LRRC52: variants seen among roughly 807,000 people sequenced by gnomAD.
LRRC52 encodes the protein leucine-rich repeat-containing protein 52.
In LRRC52, 15 loss-of-function variants were observed where a neutral mutation model predicts 14.7. The ratio of observed to expected loss-of-function variants is 1.02; its 90% CI spans 0.68 to 1.58. LRRC52 has a LOEUF of 1.58. Ranked by LOEUF, LRRC52 falls within the 40% of genes most tolerant of loss-of-function variation. LRRC52 has a pLI of 0.00. For synonymous variants in LRRC52, 180 were observed against 163.9 expected (o/e 1.10, Z -0.75); for missense variants, 400 against 387.7 (o/e 1.03, Z -0.27).
At chr1:165,558,876 TAGAA>T (rs1490070774) in intron 1 of LRRC52, among the ~76,000 whole-genome samples, 1 of 151,968 alleles carries the variant, frequency 6.6e-6, no homozygotes, top group Non-Finnish European at 1.5e-5. Flanking sequence ...TATAGGAACA[TAGAA>T]AGATTAAAAG....
At chr1:165,555,215 A>G (rs1375499079) in intron 1 of LRRC52, among the ~76,000 whole-genome samples, 1 of 152,250 alleles carries the variant, frequency 6.6e-6, no homozygotes, top group Non-Finnish European at 1.5e-5. Context: ...GAGATTGAGA[A>G]CAAGGCAGAT....
At chr1:165,554,057 G>A (rs1324973422) in intron 1 of LRRC52, among the ~76,000 whole-genome samples, 2 of 152,186 alleles carry the variant, frequency 1.3e-5, no homozygotes, top group Non-Finnish European at 2.9e-5. Context: ...CTACTTGACT[G>A]TGGGCAACAA....
intron 1 of LRRC52, among the ~76,000 whole-genome samples, chr1:165,554,563 A>G (rs1661197917): frequency 6.6e-6 from 1 of 152,188 alleles, no homozygotes; most frequent in African/African-American, 2.4e-5. Flanking sequence ...CAGCATCCCC[A>G]GGAGCTGGGA....
intron 1 of LRRC52, among the ~76,000 whole-genome samples, chr1:165,556,831 G>C (rs1661243191): frequency 6.6e-6 from 1 of 152,218 alleles, no homozygotes. Context: ...TGGCCAGTTG[G>C]CTTTGGTGTT....
chr1:165,556,240 A>C (rs1275143093), intron 1 of LRRC52, among the ~76,000 whole-genome samples: 1 of 152,254 alleles, frequency 6.6e-6, no homozygotes, highest in African/African-American at 2.4e-5. Context: ...GCAACCAGTT[A>C]TACACGAGAC....
chr1:165,554,574 C>A (rs536848418), intron 1 of LRRC52, among the ~76,000 whole-genome samples: 1 of 152,152 alleles, frequency 6.6e-6, no homozygotes. Flanking sequence ...GGAGCTGGGA[C>A]TATAAGTATG....
chr1:165,549,243 G>A (rs285435), intron 1 of LRRC52, among the ~76,000 whole-genome samples: 115,772 of 152,134 alleles, frequency 0.76, 45,912 homozygotes, highest in Non-Finnish European at 0.87. Flanking sequence ...GCCTGTTCCT[G>A]AGTCACCTGA....
At chr1:165,545,589 G>A (rs1347343256) in intron 1 of LRRC52, among the ~76,000 whole-genome samples, 3 of 125,956 alleles carry the variant, frequency 2.4e-5, no homozygotes, top group African/African-American at 9.0e-5. Flanking sequence ...TGCTCACTGT[G>A]TCAAGCAGAG....
chr1:165,563,146 C>T (rs1253681978), intron 1 of LRRC52, among the ~76,000 whole-genome samples: 3 of 152,158 alleles, frequency 2.0e-5, no homozygotes, highest in African/African-American at 7.2e-5. Context: ...CCTAACCTTC[C>T]AACCTCCCCA....
chr1:165,548,315 C>T (rs2101824480), intron 1 of LRRC52, among the ~76,000 whole-genome samples: 1 of 152,260 alleles, frequency 6.6e-6, no homozygotes, highest in Middle Eastern at 3.4e-3. Context: ...TCAGTTCATC[C>T]ATTTATCTAT....
At chr1:165,554,681 C>T (rs1232301273) in intron 1 of LRRC52, among the ~76,000 whole-genome samples, 1 of 152,190 alleles carries the variant, frequency 6.6e-6, no homozygotes, top group Non-Finnish European at 1.5e-5. Flanking sequence ...GTGATCCACC[C>T]ACCTTGGCCT....
At chr1:165,548,986 C>T (rs1028450213) in intron 1 of LRRC52, among the ~76,000 whole-genome samples, 14 of 152,182 alleles carry the variant, frequency 9.2e-5, no homozygotes, top group South Asian at 4.2e-4. Context: ...GAGATGCAGG[C>T]GGGAATATAG....
chr1:165,553,439 G>A (rs1220258574), intron 1 of LRRC52, among the ~76,000 whole-genome samples: 1 of 152,188 alleles, frequency 6.6e-6, no homozygotes, highest in African/African-American at 2.4e-5. Context: ...AACATAAAAG[G>A]TGTGAAGGAG....
chr1:165,545,018 A>G (rs1256629215), intron 1 of LRRC52, 100 bp downstream of exon 1: 2 of 1,456,204 alleles, frequency 1.4e-6, no homozygotes, highest in African/African-American at 1.4e-5. Context: ...AGTTGGGTGA[A>G]GCTGATTGAA....
In LRRC52 at chr1:165,544,440, C is replaced by G. The variant is rs139452874; in HGVS notation, c.144C>G (p.Pro48=). ...CAGGGAAGCAGTTAACCGAATACCCCCTTGACATACCCCTGAACACCCGGA... is the reference window on the plus strand; with the variant it reads ...CAGGGAAGCAGTTAACCGAATACCCGCTTGACATACCCCTGAACACCCGGA... The part of the protein sequence containing the change: ...ICTGKQLTEY[P]LDIPLNTRRL... The change falls in exon 1 of 2, where the codon CCC becomes CCG. Residue 48 remains proline, a synonymous_variant. Coordinates refer to ENST00000294818, the MANE Select transcript of LRRC52 (RefSeq NM_001005214.4). The G allele has an allele frequency of 2.9e-4, 469 of 1,614,162 alleles. 1 individual carries two copies. The African/African-American group carries it at 5.1e-3, about 17-fold the overall frequency.
intron 1 of LRRC52, among the ~76,000 whole-genome samples, chr1:165,549,295 A>G (rs1661084049): frequency 6.6e-6 from 1 of 152,220 alleles, no homozygotes; most frequent in African/African-American, 2.4e-5. Context: ...CTCCACTTCC[A>G]GAGGCAGGTG....
intron 1 of LRRC52, among the ~76,000 whole-genome samples, chr1:165,549,968 C>T (rs756524689): frequency 4.7e-5 from 7 of 149,958 alleles, no homozygotes; most frequent in Non-Finnish European, 8.9e-5. Flanking sequence ...TTTTTAAACA[C>T]GAAAGTTACA....
At chr1:165,558,641 G>A (rs967888368) in intron 1 of LRRC52, among the ~76,000 whole-genome samples, 2 of 151,988 alleles carry the variant, frequency 1.3e-5, no homozygotes, top group African/African-American at 4.8e-5. Flanking sequence ...TATGGTTAAC[G>A]AGCTAAAGAA....
At chr1:165,561,352 T>C (rs1340735455) in intron 1 of LRRC52, among the ~76,000 whole-genome samples, 1 of 152,222 alleles carries the variant, frequency 6.6e-6, no homozygotes, top group South Asian at 2.1e-4. Flanking sequence ...CATGTTTGCC[T>C]TTCTCAAATA....
Sources: gnomAD v4.1 joint callset for allele counts (sites outside exome capture counted in the v4.1 genomes callset) on GRCh38, gnomAD v4.1.1 for gene constraint, MANE v1.5 for transcripts, NCBI Gene and HGNC (gene_info 2026-07-23, HGNC 2026-07-21) for gene names.